EIF2AK4: variants seen among roughly 807,000 people sequenced by gnomAD.
EIF2AK4 encodes eIF-2-alpha kinase GCN2.
Under a neutral mutation model 211.1 loss-of-function variants are expected in EIF2AK4, and 139 were observed. That is an observed-to-expected ratio of 0.66 (90% CI 0.57 to 0.76). The LOEUF is 0.76. EIF2AK4 is among the 30% of genes least tolerant of loss of function. EIF2AK4 has a pLI of 0.00. For missense variants in EIF2AK4, 1,664 were observed against 2,043.8 expected, an observed-to-expected ratio of 0.81 and a Z score of 3.58; for synonymous variants, 710 against 751.3, an observed-to-expected ratio of 0.94 and a Z score of 0.90.
In EIF2AK4 at chr15:39,961,917, A is replaced by C; in HGVS notation, c.859+18A>C. 1 of 1,577,738 alleles carries C rather than the reference A, an allele frequency of 6.3e-7. No homozygotes were observed. Among genetic ancestry groups the C allele is most frequent in the Non-Finnish European group, 8.7e-7 (1 of 1,147,946 alleles). ...ATGTATTGGTGAGTAAACTAGCAAA[A>C]TCTATTCATATTATTGTAATGGCAA... On this transcript the variant is annotated intron_variant, in intron 7 of 38. Coordinates refer to ENST00000263791, the MANE Select transcript of EIF2AK4 (RefSeq NM_001013703.4).
chr15:40,029,362 C>T (rs1358465663), intron 33 of EIF2AK4, 44 bp from the exon 34 acceptor site: 1 of 1,606,332 alleles, frequency 6.2e-7, no homozygotes. Context: ...GTTGCTTGTG[C>T]CTTATTGACT....
At chr15:40,020,050 C>G (rs1208434357) in intron 30 of EIF2AK4, among the ~76,000 whole-genome samples, 3 of 151,782 alleles carry the variant, frequency 2.0e-5, no homozygotes, top group Non-Finnish European at 2.9e-5. Context: ...ACCTGTAGTT[C>G]CAGCTACTCA....
intron 29 of EIF2AK4, among the ~76,000 whole-genome samples, chr15:40,018,265 G>A (rs1009526556): frequency 1.3e-5 from 2 of 152,154 alleles, no homozygotes; most frequent in African/African-American, 4.8e-5. Flanking sequence ...CTATAGGAAA[G>A]TTATTTCTGA....
intron 9 of EIF2AK4, among the ~76,000 whole-genome samples, chr15:39,971,476 A>G (rs189838023): frequency 6.6e-6 from 1 of 152,322 alleles, no homozygotes; most frequent in East Asian, 1.9e-4. Flanking sequence ...GGTTGCAGTG[A>G]GCCAAGATAG....
At chr15:39,972,194 A>G (rs904322712) in intron 9 of EIF2AK4, among the ~76,000 whole-genome samples, 7 of 152,024 alleles carry the variant, frequency 4.6e-5, no homozygotes, top group Non-Finnish European at 1.0e-4. Context: ...CCCTATCTCT[A>G]CAAAAAATAT....
At chr15:40,004,035 T>C (rs1163138472) in intron 23 of EIF2AK4, among the ~76,000 whole-genome samples, 1 of 152,138 alleles carries the variant, frequency 6.6e-6, no homozygotes. Context: ...GCCTCACCAA[T>C]AATAAAGAAG....
chr15:39,963,994 A>T (rs1165719209), intron 7 of EIF2AK4, among the ~76,000 whole-genome samples: 1 of 152,180 alleles, frequency 6.6e-6, no homozygotes, highest in Non-Finnish European at 1.5e-5. Flanking sequence ...TTTCTAGTAG[A>T]CTGCTTAGAT....
At chr15:39,948,448 G>A (rs1322397190) in intron 3 of EIF2AK4, among the ~76,000 whole-genome samples, 1 of 152,178 alleles carries the variant, frequency 6.6e-6, no homozygotes, top group African/African-American at 2.4e-5. Flanking sequence ...TATGATTTAT[G>A]TCTCCTGCGG....
rs186628417 is a variant in EIF2AK4 at position 39,950,917 on chromosome 15, A to T, written c.513+1649A>T. ...TTTATCTATAATTATTAGAAAGTTA[A>T]ACTGCCGAAACTTGTTCACTGAAAC... On this transcript the variant is annotated intron_variant, in intron 4 of 38. Transcript: ENST00000263791. Among the ~76,000 whole-genome samples the T allele has an allele frequency of 1.7e-3, 263 of 152,334 alleles. 3 individuals carry two copies. The highest frequency in any genetic ancestry group is 0.016 in the Admixed American group (250 of 15,304).
chr15:40,008,196 G>A lies in EIF2AK4; in HGVS notation c.3576+1G>A. On this transcript the variant is annotated splice_donor_variant, in intron 25 of 38. Coordinates refer to ENST00000263791, the MANE Select transcript of EIF2AK4 (RefSeq NM_001013703.4). LOFTEE classifies it high-confidence loss of function. ...CATCCAAGAGTTTCCAGCACTTCAG[G>A]TTCCTTTCCATATTTTAACATTCCA... The A allele has an allele frequency of 6.3e-7, 1 of 1,585,184 alleles. No homozygotes were observed. Among genetic ancestry groups the A allele is most frequent in the Non-Finnish European group, 8.6e-7 (1 of 1,168,650 alleles).
chr15:39,953,996 A>T lies in EIF2AK4; in HGVS notation c.594+12A>T. 3.8e-6 allele frequency: 6 copies of T among 1,559,224 alleles called. No homozygotes were observed. The highest frequency in any genetic ancestry group is 5.2e-6 in the Non-Finnish European group (6 of 1,157,770). On this transcript the variant is annotated intron_variant, in intron 5 of 38. Coordinates refer to ENST00000263791, the MANE Select transcript of EIF2AK4 (RefSeq NM_001013703.4). Reference sequence around the variant, plus strand: ...AAATGGCTAAGCAGGTACCCTATCAACTCCACCATAATAATTTACATTTTG... The same window carrying T: ...AAATGGCTAAGCAGGTACCCTATCATCTCCACCATAATAATTTACATTTTG...
intron 20 of EIF2AK4, 117 bp downstream of exon 20, chr15:39,998,901 TG>T (rs1420022416): frequency 8.5e-6 from 7 of 822,142 alleles, no homozygotes; most frequent in Non-Finnish European, 1.3e-5. Flanking sequence ...GGGAACAACG[TG>T]GGGAAAAAAT....
At chr15:39,980,606 G>A (rs531390852) in intron 13 of EIF2AK4, among the ~76,000 whole-genome samples, 1 of 152,306 alleles carries the variant, frequency 6.6e-6, no homozygotes, top group South Asian at 2.1e-4. Context: ...GCCCAGTAAG[G>A]GAGGTCACCA....
At chr15:40,029,322 A>G (rs958105533) in intron 33 of EIF2AK4, 84 bp from the exon 34 acceptor site, 99 of 1,461,818 alleles carry the variant, frequency 6.8e-5, no homozygotes, top group Non-Finnish European at 8.1e-5. Context: ...AAAGTGGCTC[A>G]CTATACATGT....
chr15:39,985,677 T>C (rs893665100), intron 13 of EIF2AK4, 128 bp from the exon 14 acceptor site: 5 of 720,700 alleles, frequency 6.9e-6, no homozygotes, highest in Admixed American at 4.5e-5. Flanking sequence ...TATGTTCTGC[T>C]CACTGACTTC....
chr15:40,003,346 A>C (rs1306195596), intron 23 of EIF2AK4, 32 bp downstream of exon 23: 1 of 1,612,584 alleles, frequency 6.2e-7, no homozygotes, highest in Non-Finnish European at 8.5e-7. Context: ...TGACAATCAG[A>C]ATGCTGTATC....
intron 3 of EIF2AK4, chr15:39,946,546 A>G (rs1399999653): frequency 4.3e-6 from 3 of 702,304 alleles, no homozygotes; most frequent in Non-Finnish European, 7.8e-6. Context: ...TTGAAATGAC[A>G]ATCGAGCATT....
intron 2 of EIF2AK4, among the ~76,000 whole-genome samples, chr15:39,941,255 G>A (rs1198393480): frequency 6.6e-6 from 1 of 152,182 alleles, no homozygotes. Flanking sequence ...AAAGATCTGG[G>A]ATGGGGCTGA....
At chr15:39,973,895 G>A in intron 11 of EIF2AK4, 146 bp downstream of exon 11, 1 of 842,642 alleles carries the variant, frequency 1.2e-6, no homozygotes, top group Non-Finnish European at 1.8e-6. Context: ...CACCTTCCTG[G>A]AGTTAAAGGT....
Sources: allele counts gnomAD v4.1 joint callset (sites outside exome capture counted in the v4.1 genomes callset), GRCh38; gene constraint gnomAD v4.1.1; transcripts MANE v1.5; gene names NCBI Gene and HGNC (gene_info 2026-07-23, HGNC 2026-07-21).